Variants in ACSS3 observed in about 807,000 individuals in gnomAD.
ACSS3 encodes acyl-CoA synthetase short-chain family member 3, mitochondrial.
A neutral mutation model predicts 84.2 loss-of-function variants in ACSS3; 64 were observed. The observed-to-expected ratio is 0.76, with a 90% CI of 0.62 to 0.94. ACSS3 has a LOEUF of 0.94. Ranked by LOEUF, ACSS3 falls within the 40% of genes least tolerant of loss-of-function variation. ACSS3 has a pLI of 0.00. For missense variants in ACSS3, 815 were observed against 867.6 expected (o/e 0.94, Z 0.76); for synonymous variants, 317 against 310.1 (o/e 1.02, Z -0.23).
chr12:81,215,330 AG>A (rs1311196012), intron 9 of ACSS3, among the ~76,000 whole-genome samples: 1 of 151,972 alleles, frequency 6.6e-6, no homozygotes, highest in African/African-American at 2.4e-5. Context: ...GATGATCCTC[AG>A]CAGTGACCAT....
chr12:81,152,414 A>G (rs7311803), intron 7 of ACSS3, among the ~76,000 whole-genome samples: 62,820 of 151,944 alleles, frequency 0.41, 13,598 homozygotes, highest in Middle Eastern at 0.48. Flanking sequence ...TTATCATAAA[A>G]CAAGCAATGT....
chr12:81,247,903 A>G (rs929478701), intron 13 of ACSS3, among the ~76,000 whole-genome samples: 1 of 152,098 alleles, frequency 6.6e-6, no homozygotes, highest in Non-Finnish European at 1.5e-5. Context: ...TGAGGTCTTA[A>G]TCCAATGAAA....
At chr12:81,181,350 T>C (rs1020783848) in intron 8 of ACSS3, among the ~76,000 whole-genome samples, 4 of 152,158 alleles carry the variant, frequency 2.6e-5, no homozygotes, top group Admixed American at 2.6e-4. Context: ...ACAACTGCAC[T>C]CTGCCCAACC....
At chr12:81,234,512 C>T (rs1412359450) in intron 13 of ACSS3, among the ~76,000 whole-genome samples, 2 of 151,348 alleles carry the variant, frequency 1.3e-5, no homozygotes, top group Non-Finnish European at 3.0e-5. Flanking sequence ...TACATAGCCA[C>T]CAGCAGTATT....
chr12:81,226,461 C>T (rs1187133638), intron 11 of ACSS3, among the ~76,000 whole-genome samples: 1 of 151,792 alleles, frequency 6.6e-6, no homozygotes, highest in Admixed American at 6.6e-5. Context: ...ACATAGTGAG[C>T]ATATCAATAT....
intron 13 of ACSS3, among the ~76,000 whole-genome samples, chr12:81,235,091 T>A (rs2033588593): frequency 6.6e-6 from 1 of 151,352 alleles, no homozygotes; most frequent in African/African-American, 2.4e-5. Flanking sequence ...AAATTTGAGT[T>A]AATTTTTTAA....
chr12:81,213,590 C>CTCTCCTCT lies in ACSS3; in HGVS notation c.1355-3311_1355-3310insTCTCCTCT, dbSNP rs1565723274. ...TCCTCTCCTCTCCTCTCCTCCCCTC[C>CTCTCCTCT]CCTCCCCTCCCCTCCCCTCCCCTCC... is the stretch of plus-strand genomic sequence containing the variant. On this transcript the variant is annotated intron_variant, in intron 9 of 15. Coordinates refer to ENST00000548058, the MANE Select transcript of ACSS3 (RefSeq NM_024560.4). Among the ~76,000 whole-genome samples the CTCTCCTCT allele has an allele frequency of 6.6e-3, 61 of 9,312 alleles. 8 individuals carry two copies. The highest frequency in any genetic ancestry group is 0.019 in the African/African-American group (60 of 3,216). The allele number at this position is 9,312 out of a possible 152,430, so 6.1% of individuals were successfully genotyped here.
At chr12:81,131,754 G>A (rs1333467443) in intron 2 of ACSS3, among the ~76,000 whole-genome samples, 1 of 152,126 alleles carries the variant, frequency 6.6e-6, no homozygotes, top group Non-Finnish European at 1.5e-5. Flanking sequence ...TATGATATTG[G>A]CTGTGGGTTT....
At chr12:81,145,856 A>G (rs1367269061) in intron 5 of ACSS3, among the ~76,000 whole-genome samples, 1 of 152,198 alleles carries the variant, frequency 6.6e-6, no homozygotes, top group Non-Finnish European at 1.5e-5. Context: ...AGACCCTTGT[A>G]GGTCACTGGG....
chr12:81,098,041 G>A (rs1306396858), intron 1 of ACSS3, among the ~76,000 whole-genome samples: 1 of 151,926 alleles, frequency 6.6e-6, no homozygotes, highest in African/African-American at 2.4e-5. Context: ...CCCATGTATG[G>A]GTGGGATTAT....
At chr12:81,212,192 G>A (rs1272966688) in intron 9 of ACSS3, among the ~76,000 whole-genome samples, 1 of 152,090 alleles carries the variant, frequency 6.6e-6, no homozygotes, top group African/African-American at 2.4e-5. Flanking sequence ...TTTTACTCTT[G>A]TATAATATGT....
chr12:81,153,065 T>C (rs1333382027), intron 7 of ACSS3, among the ~76,000 whole-genome samples: 4 of 152,092 alleles, frequency 2.6e-5, no homozygotes, highest in African/African-American at 9.7e-5. Flanking sequence ...AATCACTAAA[T>C]TACTAGAAAG....
In ACSS3 at chr12:81,156,210, CA is replaced by C. The variant is rs1168363841; in HGVS notation, c.1098+4115del. On this transcript the variant is annotated intron_variant, in intron 7 of 15. Coordinates refer to ENST00000548058, the MANE Select transcript of ACSS3 (RefSeq NM_024560.4). ...AACACACACACACACACACACACCC[CA>C]CACACACACACACACACACGTCTCT... Among the ~76,000 whole-genome samples, 459 of 64,758 alleles carry C rather than the reference CA, an allele frequency of 7.1e-3. 2 individuals carry two copies. Among genetic ancestry groups the C allele is most frequent in the Non-Finnish European group, 0.02 (341 of 17,140 alleles). 42.5% of individuals were successfully genotyped at this position (64,758 alleles called of 152,430 possible).
Position 81,253,422 on chromosome 12 carries a change from C to A in ACSS3, c.1819+16C>A. 6.2e-7 allele frequency: 1 copy of A among 1,613,692 alleles called. No homozygotes were observed. Among genetic ancestry groups the A allele is most frequent in the South Asian group, 1.1e-5 (1 of 91,064 alleles). On this transcript the variant is annotated intron_variant, in intron 14 of 15. Transcript: ENST00000548058. ...TTGAGAAAAGGTGAGAGATCTTTTT[C>A]TCCCTGATTGCTTGGGACCTGAATA... is the stretch of plus-strand genomic sequence containing the variant.
At chr12:81,091,920 T>A (rs1881693706) in intron 1 of ACSS3, among the ~76,000 whole-genome samples, 2 of 152,100 alleles carry the variant, frequency 1.3e-5, no homozygotes, top group Admixed American at 1.3e-4. Context: ...AGTAACTTGC[T>A]AATGCTCACT....
At position 81,253,562 on chromosome 12, in the gene ACSS3, T is replaced by C. The variant is rs779797290; in HGVS notation, c.1887T>C (p.Pro629=). Residue 629 remains proline, a synonymous_variant, in exon 15 of 16, where the codon CCT becomes CCC. Transcript: ENST00000548058. The stretch of plus-strand genomic sequence containing the variant: ...AACACGTTAGACAGAACATTGGCCC[T>C]GTGGCTGCTTTTCGAAATGCAGTGT... ...IVKHVRQNIG[P]VAAFRNAVFV... 8 of 1,613,862 alleles carry C rather than the reference T, an allele frequency of 5.0e-6. No individual in the cohort carries two copies. The East Asian group carries it at 1.1e-4, about 22-fold the overall frequency.
At chr12:81,222,092 T>C (rs189909817) in intron 11 of ACSS3, among the ~76,000 whole-genome samples, 6 of 152,126 alleles carry the variant, frequency 3.9e-5, no homozygotes, top group African/African-American at 9.6e-5. Flanking sequence ...AAGTAACAAC[T>C]ATTGCCTTAA....
chr12:81,152,949 T>C (rs1441595385), intron 7 of ACSS3, among the ~76,000 whole-genome samples: 1 of 152,220 alleles, frequency 6.6e-6, no homozygotes, highest in Non-Finnish European at 1.5e-5. Flanking sequence ...CATAAGCTGT[T>C]GGTAGGACTG....
At chr12:81,087,131 C>A (rs1881371731) in intron 1 of ACSS3, among the ~76,000 whole-genome samples, 2 of 152,006 alleles carry the variant, frequency 1.3e-5, no homozygotes, top group Admixed American at 1.3e-4. Context: ...AACAGAAGGT[C>A]TTTCAAATAC....
Sources: gnomAD v4.1 joint callset for allele counts (sites outside exome capture counted in the v4.1 genomes callset) on GRCh38, gnomAD v4.1.1 for gene constraint, MANE v1.5 for transcripts, NCBI Gene and HGNC (gene_info 2026-07-23, HGNC 2026-07-21) for gene names.